Variants in ZNF609 observed in about 807,000 individuals in gnomAD.
ZNF609 encodes zinc finger protein 609.
In ZNF609, 11 loss-of-function variants were observed where a neutral mutation model predicts 109.5. That is an observed-to-expected ratio of 0.10 (90% confidence interval 0.06 to 0.17). ZNF609 has a LOEUF of 0.17. ZNF609 is among the 10% of genes least tolerant of loss of function. The pLI is 1.00. For missense variants in ZNF609, 1,559 were observed against 1,772.4 expected, an observed-to-expected ratio of 0.88 and a Z score of 2.16; for synonymous variants, 646 against 662.0, an observed-to-expected ratio of 0.98 and a Z score of 0.37.
intron 2 of ZNF609, among the ~76,000 whole-genome samples, chr15:64,561,075 A>T (rs768530075): frequency 1.3e-5 from 2 of 152,218 alleles, no homozygotes; most frequent in African/African-American, 4.8e-5. Context: ...TACCACCCAC[A>T]TAGGCTTTAT....
intron 1 of ZNF609, among the ~76,000 whole-genome samples, chr15:64,467,325 A>G (rs756634161): frequency 6.6e-6 from 1 of 152,022 alleles, no homozygotes; most frequent in African/African-American, 2.4e-5. Context: ...TCCATTTTTC[A>G]GGAATACTTC....
intron 2 of ZNF609, among the ~76,000 whole-genome samples, chr15:64,542,180 T>C (rs1046802165): frequency 1.3e-5 from 2 of 152,044 alleles, no homozygotes; most frequent in Admixed American, 1.3e-4. Flanking sequence ...TAAAACCTAC[T>C]CCCCAGTAGA....
intron 1 of ZNF609, among the ~76,000 whole-genome samples, chr15:64,482,276 G>T (rs147419162): frequency 8.5e-5 from 13 of 152,098 alleles, no homozygotes; most frequent in African/African-American, 3.1e-4. Context: ...GTTTTTTTCT[G>T]ATTGGAACGT....
rs1368152524 is a variant in ZNF609, at chr15:64,675,526, A to G, written c.2672A>G (p.Tyr891Cys). 1.9e-6 allele frequency: 3 copies of G among 1,614,042 alleles called. No homozygotes were observed. The highest frequency in any genetic ancestry group is 1.3e-5 in the African/African-American group (1 of 74,920). Residue 891 changes from tyrosine (Y) to cysteine (C), a missense_variant, in exon 5 of 10, where the codon TAT becomes TGT. By Grantham distance (194) the Tyr-to-Cys change is radical. Around this residue, in one of 4 missense-constraint regions of ZNF609, gnomAD observed 1,204 missense variants for 1,314.1 expected, o/e 0.92. Transcript: ENST00000326648. ...PPQPQSKDSP[Y>C]YQGFESYYSP... ...CAGCCTCAGAGCAAAGACTCACCAT[A>G]TTACCAAGGCTTTGAGAGTTACTAT...
chr15:64,655,083 G>A (rs1214355548), intron 3 of ZNF609, among the ~76,000 whole-genome samples: 5 of 132,400 alleles, frequency 3.8e-5, no homozygotes, highest in African/African-American at 1.3e-4. Flanking sequence ...GTGACAGAAC[G>A]AGACTCCATC....
intron 2 of ZNF609, among the ~76,000 whole-genome samples, chr15:64,601,311 AC>A (rs1200294507): frequency 6.6e-6 from 1 of 152,200 alleles, no homozygotes; most frequent in East Asian, 1.9e-4. Flanking sequence ...TAAGTGGTCT[AC>A]GGGTCTCATC....
chr15:64,631,023 T>A (rs1440199200), intron 3 of ZNF609: 1 of 244,434 alleles, frequency 4.1e-6, no homozygotes, highest in Non-Finnish European at 8.0e-6. Flanking sequence ...CTTTAAATAT[T>A]TTTTTAGGGG....
At chr15:64,585,324 A>G (rs985512012) in intron 2 of ZNF609, among the ~76,000 whole-genome samples, 8 of 150,024 alleles carry the variant, frequency 5.3e-5, no homozygotes, top group Admixed American at 6.7e-5. Context: ...GACTCTGGGG[A>G]AAAAAAAAAT....
chr15:64,585,175 A>C (rs901981143), intron 2 of ZNF609, among the ~76,000 whole-genome samples: 8 of 151,956 alleles, frequency 5.3e-5, no homozygotes, highest in Non-Finnish European at 1.0e-4. Context: ...AAATACAAAA[A>C]TTAGTCAGGC....
chr15:64,598,704 A>G (rs1317504454), intron 2 of ZNF609, among the ~76,000 whole-genome samples: 1 of 144,648 alleles, frequency 6.9e-6, no homozygotes, highest in Non-Finnish European at 1.5e-5. Flanking sequence ...ATTAAAAACA[A>G]CATTGAAGAA....
chr15:64,669,973 A>G (rs889380045), intron 3 of ZNF609, among the ~76,000 whole-genome samples: 10 of 152,116 alleles, frequency 6.6e-5, no homozygotes, highest in Admixed American at 6.6e-4. Flanking sequence ...CGGCCAAAAA[A>G]AAATTTTTTT....
In ZNF609 at chr15:64,576,941, A is replaced by T. The variant is rs867420467; in HGVS notation, c.748-45886A>T. On this transcript the variant is annotated intron_variant, in intron 2 of 9. Transcript: ENST00000326648. ...ACATATATGTGTATATATACATATA[A>T]ATATATACATATATGTATATATACA... 2.8e-4 allele frequency among the ~76,000 whole-genome samples: 36 copies of T among 127,912 alleles called. 2 individuals carry two copies. The highest frequency in any genetic ancestry group is 9.4e-4 in the African/African-American group (35 of 37,148). 83.9% of individuals were successfully genotyped at this position (127,912 alleles called of 152,430 possible).
At chr15:64,485,114 G>A (rs2140340174) in intron 1 of ZNF609, among the ~76,000 whole-genome samples, 1 of 152,284 alleles carries the variant, frequency 6.6e-6, no homozygotes, top group South Asian at 2.1e-4. Flanking sequence ...TTCCATCTGT[G>A]TAAAACCAAG....
intron 1 of ZNF609, among the ~76,000 whole-genome samples, chr15:64,465,750 A>G (rs910916939): frequency 1.3e-5 from 2 of 152,032 alleles, no homozygotes; most frequent in African/African-American, 4.8e-5. Flanking sequence ...TGACATTAAC[A>G]TCACTTGTTA....
At chr15:64,542,240 C>T (rs1352093488) in intron 2 of ZNF609, among the ~76,000 whole-genome samples, 2 of 152,128 alleles carry the variant, frequency 1.3e-5, no homozygotes, top group Non-Finnish European at 2.9e-5. Flanking sequence ...TGGCCTAAAA[C>T]CACTTTTTCT....
At chr15:64,582,720 T>C (rs191743887) in intron 2 of ZNF609, among the ~76,000 whole-genome samples, 1,643 of 44,416 alleles carry the variant, frequency 0.037, 19 homozygotes, top group Non-Finnish European at 0.082. Flanking sequence ...TTCTTTCTTT[T>C]TTCTTTTTTT....
chr15:64,494,068 A>G (rs1893450173), intron 1 of ZNF609, among the ~76,000 whole-genome samples: 1 of 152,212 alleles, frequency 6.6e-6, no homozygotes, highest in Non-Finnish European at 1.5e-5. Context: ...CACCTGGTTG[A>G]AAAGTAGTAC....
In ZNF609 at chr15:64,629,204, C is replaced by T. The variant is rs886180348; in HGVS notation, c.973+6152C>T. Among the ~76,000 whole-genome samples the T allele has an allele frequency of 3.9e-5, 6 of 152,116 alleles. 1 individual carries two copies. Among genetic ancestry groups the T allele is most frequent in the Admixed American group, 3.9e-4 (6 of 15,270 alleles). On this transcript the variant is annotated intron_variant, in intron 3 of 9. Transcript: ENST00000326648. ...GTTGAGATTCAGGATGCTGAAATAT[C>T]GGTCAATTCAGTCCTATCAGCCACT...
intron 1 of ZNF609, among the ~76,000 whole-genome samples, chr15:64,467,234 C>G (rs962793600): frequency 1.3e-5 from 2 of 152,202 alleles, no homozygotes; most frequent in Admixed American, 6.5e-5. Flanking sequence ...GCCAGACAAG[C>G]TCTGAAACTG....
Sources: allele counts gnomAD v4.1 joint callset (sites outside exome capture counted in the v4.1 genomes callset), GRCh38; gene constraint gnomAD v4.1.1; regional missense constraint gnomAD v4.1.1; transcripts MANE v1.5; gene names NCBI Gene and HGNC (gene_info 2026-07-23, HGNC 2026-07-21).